The following TNRC6B variants were observed in gnomAD, a reference collection of about 807,000 sequenced individuals.
TNRC6B encodes trinucleotide repeat-containing gene 6B protein.
In TNRC6B, 52 loss-of-function variants were observed where a neutral mutation model predicts 203.6. The observed-to-expected ratio is 0.26, with a 90% CI of 0.20 to 0.32. The LOEUF (loss-of-function observed/expected upper bound fraction) is 0.32. TNRC6B is among the 10% of genes least tolerant of loss of function. The pLI is 1.00. For synonymous variants in TNRC6B, 838 were observed against 845.7 expected, an observed-to-expected ratio of 0.99 and a Z score of 0.16; for missense variants, 1,923 against 2,286.2, an observed-to-expected ratio of 0.84 and a Z score of 3.24.
intron 1 of TNRC6B, among the ~76,000 whole-genome samples, chr22:40,229,050 T>C (rs928476165): frequency 6.6e-6 from 1 of 152,212 alleles, no homozygotes; most frequent in African/African-American, 2.4e-5. Flanking sequence ...ACCGTAAGAA[T>C]GGTTAAAAAA....
At chr22:40,130,295 G>A (rs1009607002) in intron 3 of TNRC6B, among the ~76,000 whole-genome samples, 2 of 152,122 alleles carry the variant, frequency 1.3e-5, no homozygotes, top group African/African-American at 4.8e-5. Context: ...GTTTAATGGC[G>A]GAGGGAGTTT....
At chr22:40,277,714 A>G (rs1047087350) in intron 8 of TNRC6B, among the ~76,000 whole-genome samples, 85 of 152,208 alleles carry the variant, frequency 5.6e-4, no homozygotes, top group African/African-American at 1.9e-3. Flanking sequence ...GCTGACTAGA[A>G]CTTAAGGACG....
intron 3 of TNRC6B, among the ~76,000 whole-genome samples, chr22:40,149,197 T>C (rs1309833065): frequency 6.6e-6 from 1 of 152,258 alleles, no homozygotes; most frequent in East Asian, 1.9e-4. Flanking sequence ...AATGAACTAT[T>C]GACACTTGAA....
chr22:40,171,600 GTC>G (rs1240662261), intron 4 of TNRC6B, among the ~76,000 whole-genome samples: 4 of 152,010 alleles, frequency 2.6e-5, no homozygotes, highest in East Asian at 3.9e-4. Context: ...ATTTTTCTAA[GTC>G]TCTGAAAAGC....
chr22:40,202,711 G>C (rs543406123), intron 1 of TNRC6B, among the ~76,000 whole-genome samples: 3 of 152,186 alleles, frequency 2.0e-5, no homozygotes, highest in South Asian at 2.1e-4. Context: ...AGTCCTTGAA[G>C]GTGTATCAGA....
At chr22:40,111,963 C>T (rs1012397152) in intron 1 of TNRC6B, among the ~76,000 whole-genome samples, 3 of 152,004 alleles carry the variant, frequency 2.0e-5, no homozygotes, top group Non-Finnish European at 4.4e-5. Context: ...TAGCTGAGTG[C>T]GGTGGCAGGC....
chr22:40,063,947 C>T (rs2067875004), intron 1 of TNRC6B, among the ~76,000 whole-genome samples: 1 of 152,182 alleles, frequency 6.6e-6, no homozygotes, highest in African/African-American at 2.4e-5. Context: ...GAGTGATCCT[C>T]CCGCCTCAGC....
intron 1 of TNRC6B, among the ~76,000 whole-genome samples, chr22:40,054,161 A>G (rs1165439108): frequency 6.6e-6 from 1 of 152,222 alleles, no homozygotes; most frequent in Non-Finnish European, 1.5e-5. Flanking sequence ...GGTTGCAGTC[A>G]GCCGAGATTG....
At chr22:40,248,943 C>T (rs1315408378) in intron 2 of TNRC6B, among the ~76,000 whole-genome samples, 1 of 152,150 alleles carries the variant, frequency 6.6e-6, no homozygotes, top group Non-Finnish European at 1.5e-5. Flanking sequence ...CAAAGCTTAC[C>T]ATGTGATTAT....
intron 4 of TNRC6B, among the ~76,000 whole-genome samples, chr22:40,159,106 G>A (rs533759335): frequency 9.0e-4 from 137 of 151,528 alleles, no homozygotes; most frequent in African/African-American, 3.3e-3. Flanking sequence ...GGGACTACAG[G>A]CGCCCACCAT....
intron 1 of TNRC6B, among the ~76,000 whole-genome samples, chr22:40,066,615 A>G (rs944282666): frequency 6.6e-5 from 10 of 152,174 alleles, no homozygotes; most frequent in African/African-American, 2.4e-4. Context: ...TGGAAACAAA[A>G]TAAGAGTTGC....
chr22:40,145,089 T>TAAAA (rs1401644411), intron 3 of TNRC6B, among the ~76,000 whole-genome samples: 2,496 of 117,792 alleles, frequency 0.021, 31 homozygotes, highest in African/African-American at 0.072. Context: ...AAAAAAAAAT[T>TAAAA]TTTTTAATTA....
At chr22:40,161,459 T>C (rs1265549204) in intron 4 of TNRC6B, among the ~76,000 whole-genome samples, 1 of 152,234 alleles carries the variant, frequency 6.6e-6, no homozygotes, top group African/African-American at 2.4e-5. Context: ...TTAGCTGATC[T>C]GTGCCACTTT....
chr22:40,245,280 G>A (rs1217783350), intron 1 of TNRC6B, among the ~76,000 whole-genome samples: 4 of 151,652 alleles, frequency 2.6e-5, no homozygotes, highest in Admixed American at 6.6e-5. Flanking sequence ...TAGTAGAGAC[G>A]GGGTTTCACT....
intron 1 of TNRC6B, among the ~76,000 whole-genome samples, chr22:40,188,635 C>G (rs1197458655): frequency 6.6e-6 from 1 of 152,220 alleles, no homozygotes; most frequent in East Asian, 1.9e-4. Context: ...TTCCTTTACC[C>G]CTCTGCTTAC....
chr22:40,277,146 T>A lies in TNRC6B; in HGVS notation c.3211T>A (p.Leu1071Met). ...TGCCAAACAGTTTTCAAATATGGGA[T>A]TGCTGGTAAGTTTTATTTTTTTCAA... ...PLAKQFSNMGLLSQTEDNPSS... is the reference protein window; with the variant it reads ...PLAKQFSNMGMLSQTEDNPSS... The change falls in exon 8 of 23, where the codon TTG (leucine) becomes ATG (methionine). Residue 1071 changes from leucine (L) to methionine (M), a missense_variant. Leu to Met is a conservative substitution (Grantham distance 15). Transcript: ENST00000454349. The A allele has an allele frequency of 6.2e-7, 1 of 1,606,840 alleles. No individual in the cohort carries two copies. Among genetic ancestry groups the A allele is most frequent in the East Asian group, 2.2e-5 (1 of 44,562 alleles).
intron 3 of TNRC6B, among the ~76,000 whole-genome samples, chr22:40,128,539 ATCACGGCTCACGGCTCACGGC>A (rs555957258): frequency 4.1e-5 from 6 of 147,890 alleles, no homozygotes; most frequent in African/African-American, 1.3e-4. Flanking sequence ...TGGTGGTATG[ATCACGGCTCACGGCTCACGGC>A]TCACGGCTCA....
intron 19 of TNRC6B, 122 bp downstream of exon 19, chr22:40,313,119 A>G (rs2071208998): frequency 2.8e-6 from 2 of 718,610 alleles, no homozygotes; most frequent in Admixed American, 5.3e-5. Context: ...AGCATAGGTC[A>G]GTATAGATGG....
chr22:40,239,952 C>T (rs1033088711), intron 1 of TNRC6B, among the ~76,000 whole-genome samples: 3 of 152,050 alleles, frequency 2.0e-5, no homozygotes, highest in South Asian at 2.1e-4. Context: ...ACTCTCCTGC[C>T]TCAGCCTCCC....
Sources: gnomAD v4.1 joint callset for allele counts (sites outside exome capture counted in the v4.1 genomes callset) on GRCh38, gnomAD v4.1.1 for gene constraint, MANE v1.5 for transcripts, NCBI Gene and HGNC (gene_info 2026-07-23, HGNC 2026-07-21) for gene names.